Variants in ULK4 observed in about 807,000 individuals in gnomAD.
The protein encoded by ULK4 is inactive serine/threonine-protein kinase ULK4.
A neutral mutation model predicts 160.6 loss-of-function variants in ULK4; 133 were observed. The observed-to-expected ratio is 0.83, with a 90% CI of 0.72 to 0.96. The LOEUF is 0.96. ULK4 is among the 40% of genes least tolerant of loss of function. The pLI is 0.00. For missense variants in ULK4, 1,580 were observed against 1,499.5 expected (o/e 1.05, Z -0.89); for synonymous variants, 534 against 539.8 (o/e 0.99, Z 0.15).
chr3:41,955,195 C>CA (rs1700440817), intron 1 of ULK4, among the ~76,000 whole-genome samples: 1 of 152,212 alleles, frequency 6.6e-6, no homozygotes, highest in African/African-American at 2.4e-5. Context: ...GAGGCTGAGG[C>CA]AGGGGAATCG....
intron 17 of ULK4, among the ~76,000 whole-genome samples, chr3:41,873,647 G>C (rs146522215): frequency 3.2e-4 from 49 of 152,078 alleles, no homozygotes; most frequent in Non-Finnish European, 1.3e-4. Context: ...TCTGCCTCCC[G>C]GGTTCAAGCG....
At chr3:41,647,540 T>C (rs964075234) in intron 30 of ULK4, among the ~76,000 whole-genome samples, 1 of 152,172 alleles carries the variant, frequency 6.6e-6, no homozygotes, top group Non-Finnish European at 1.5e-5. Context: ...TGCTGTCTGA[T>C]CATTCCTCTG....
At chr3:41,514,370 G>A (rs932862195) in intron 32 of ULK4, among the ~76,000 whole-genome samples, 3 of 152,162 alleles carry the variant, frequency 2.0e-5, no homozygotes, top group Non-Finnish European at 4.4e-5. Context: ...AGACCTGGAG[G>A]GGGTCGTGCG....
chr3:41,607,414 C>T (rs1290938582), intron 31 of ULK4, among the ~76,000 whole-genome samples: 1 of 152,078 alleles, frequency 6.6e-6, no homozygotes, highest in Non-Finnish European at 1.5e-5. Flanking sequence ...ATTTGACTCT[C>T]ATAATGAAAA....
chr3:41,572,768 A>T (rs533448693), intron 31 of ULK4, among the ~76,000 whole-genome samples: 2 of 134,426 alleles, frequency 1.5e-5, no homozygotes, highest in Admixed American at 7.0e-5. Context: ...TCCATCTCAA[A>T]AAAAAAAAAA....
intron 21 of ULK4, among the ~76,000 whole-genome samples, chr3:41,773,196 A>T (rs1393110981): frequency 6.6e-6 from 1 of 152,168 alleles, no homozygotes; most frequent in Non-Finnish European, 1.5e-5. Flanking sequence ...CTCCTATTCA[A>T]CATAGTGTTG....
At chr3:41,387,943 C>A (rs967203263) in intron 35 of ULK4, among the ~76,000 whole-genome samples, 9 of 152,146 alleles carry the variant, frequency 5.9e-5, no homozygotes, top group Non-Finnish European at 1.0e-4. Context: ...CCTGAGGAAT[C>A]GCCACACTGA....
At chr3:41,822,534 C>T (rs993551676) in intron 18 of ULK4, among the ~76,000 whole-genome samples, 3 of 152,010 alleles carry the variant, frequency 2.0e-5, no homozygotes, top group Non-Finnish European at 2.9e-5. Context: ...TTTCCTGCCT[C>T]AACCTCCCAA....
chr3:41,722,403 T>C (rs955754775), intron 22 of ULK4, among the ~76,000 whole-genome samples: 3 of 152,094 alleles, frequency 2.0e-5, no homozygotes, highest in East Asian at 1.9e-4. Flanking sequence ...CCATGGCGGG[T>C]GGATCACCTG....
chr3:41,564,731 T>C (rs1285192891), intron 32 of ULK4, among the ~76,000 whole-genome samples: 1 of 152,050 alleles, frequency 6.6e-6, no homozygotes, highest in Non-Finnish European at 1.5e-5. Flanking sequence ...AGTGCTGGGA[T>C]TACAAGCGTG....
chr3:41,750,959 C>T (rs2038601669), intron 22 of ULK4, among the ~76,000 whole-genome samples: 1 of 123,610 alleles, frequency 8.1e-6, no homozygotes, highest in Non-Finnish European at 1.6e-5. Context: ...GAGACTCCAC[C>T]TCAAAAAAAA....
At chr3:41,329,033 C>G (rs1409524926) in intron 35 of ULK4, among the ~76,000 whole-genome samples, 1 of 152,176 alleles carries the variant, frequency 6.6e-6, no homozygotes, top group Non-Finnish European at 1.5e-5. Context: ...TGAAAAAATT[C>G]CTTTGTGCTG....
chr3:41,605,066 A>T (rs1251542448), intron 31 of ULK4, among the ~76,000 whole-genome samples: 1 of 152,020 alleles, frequency 6.6e-6, no homozygotes, highest in African/African-American at 2.4e-5. Context: ...GTCTATTTGG[A>T]GGTGACTATT....
intron 35 of ULK4, among the ~76,000 whole-genome samples, chr3:41,299,367 C>G (rs1284310250): frequency 2.0e-5 from 3 of 152,194 alleles, no homozygotes; most frequent in Non-Finnish European, 4.4e-5. Flanking sequence ...ACCCCTAACC[C>G]TAAAAGTCAC....
intron 2 of ULK4, among the ~76,000 whole-genome samples, chr3:41,950,217 G>A (rs935318562): frequency 4.6e-5 from 7 of 151,830 alleles, no homozygotes; most frequent in Middle Eastern, 3.4e-3. Flanking sequence ...TTCCCAAGCA[G>A]CTGGGACCTC....
At chr3:41,959,860 G>A (rs1700611994) in intron 1 of ULK4, among the ~76,000 whole-genome samples, 1 of 152,136 alleles carries the variant, frequency 6.6e-6, no homozygotes, top group Admixed American at 6.6e-5. Flanking sequence ...TAAACTGACA[G>A]TATGTTAAGA....
intron 35 of ULK4, among the ~76,000 whole-genome samples, chr3:41,358,570 G>T (rs1192233548): frequency 6.6e-6 from 1 of 152,130 alleles, no homozygotes; most frequent in Non-Finnish European, 1.5e-5. Context: ...GCAGTTATGT[G>T]GAAGAATCTT....
At chr3:41,930,426 T>C (rs918661922) in intron 5 of ULK4, among the ~76,000 whole-genome samples, 8 of 152,202 alleles carry the variant, frequency 5.3e-5, no homozygotes, top group African/African-American at 1.9e-4. Context: ...GATATAGGCA[T>C]GGGCAAATAC....
At chr3:41,822,766 G>A (rs2041188719) in intron 18 of ULK4, among the ~76,000 whole-genome samples, 1 of 130,366 alleles carries the variant, frequency 7.7e-6, no homozygotes, top group African/African-American at 3.2e-5. Flanking sequence ...CTGTCACCCA[G>A]GCTGGAGTGC....
Sources: allele counts gnomAD v4.1 joint callset (sites outside exome capture counted in the v4.1 genomes callset), GRCh38; gene constraint gnomAD v4.1.1; transcripts MANE v1.5; gene names NCBI Gene and HGNC (gene_info 2026-07-23, HGNC 2026-07-21).